Variants in CAMKMT observed in about 807,000 individuals in gnomAD.
The protein encoded by CAMKMT is calmodulin-lysine N-methyltransferase, also known as CaM KMT.
In CAMKMT, 53 loss-of-function variants were observed where a neutral mutation model predicts 48.0. That is an observed-to-expected ratio of 1.10 (90% CI 0.89 to 1.39). The LOEUF (loss-of-function observed/expected upper bound fraction) is 1.39, where lower values mean the gene tolerates loss of function less well. Among genes scored for constraint, CAMKMT ranks in the 40% most tolerant of loss-of-function variants. The probability of loss-of-function intolerance (pLI) is 0.00; values close to 1 mark genes in which losing one functional copy is unlikely to be tolerated. For synonymous variants in CAMKMT, 165 were observed against 152.3 expected, an observed-to-expected ratio of 1.08 and a Z score of -0.61; for missense variants, 428 against 402.7, an observed-to-expected ratio of 1.06 and a Z score of -0.54.
chr2:44,646,802 A>G (rs1673758659), intron 3 of CAMKMT, among the ~76,000 whole-genome samples: 2 of 152,274 alleles, frequency 1.3e-5, no homozygotes, highest in African/African-American at 4.8e-5. Context: ...GAGACACTAG[A>G]TTCTCCAGGA....
chr2:44,443,192 T>C (rs1666777937), intron 3 of CAMKMT, among the ~76,000 whole-genome samples: 1 of 152,218 alleles, frequency 6.6e-6, no homozygotes, highest in Non-Finnish European at 1.5e-5. Context: ...TTCACTTGTA[T>C]GGTAATCTAA....
intron 3 of CAMKMT, among the ~76,000 whole-genome samples, chr2:44,554,841 C>T (rs1406983827): frequency 6.6e-6 from 1 of 152,120 alleles, no homozygotes; most frequent in Non-Finnish European, 1.5e-5. Context: ...ATACCCTGCA[C>T]TCCGGCCCGA....
intron 3 of CAMKMT, among the ~76,000 whole-genome samples, chr2:44,432,105 T>A (rs1293202405): frequency 3.9e-5 from 6 of 152,194 alleles, no homozygotes; most frequent in Admixed American, 3.9e-4. Context: ...TTAAAATAAC[T>A]CTTGCCCCAC....
intron 5 of CAMKMT, among the ~76,000 whole-genome samples, chr2:44,706,877 C>T (rs1043720724): frequency 2.6e-5 from 4 of 152,020 alleles, no homozygotes; most frequent in African/African-American, 9.7e-5. Flanking sequence ...GTTTTTATGT[C>T]TCTACAAATA....
chr2:44,665,232 G>A (rs959490527), intron 3 of CAMKMT, among the ~76,000 whole-genome samples: 78 of 152,122 alleles, frequency 5.1e-4, no homozygotes, highest in African/African-American at 1.7e-3. Flanking sequence ...CATCATGCCC[G>A]GCTAATTTTT....
chr2:44,423,545 C>T (rs937998581), intron 3 of CAMKMT, among the ~76,000 whole-genome samples: 6 of 152,140 alleles, frequency 3.9e-5, no homozygotes, highest in Admixed American at 2.0e-4. Flanking sequence ...TTTCTGTTTT[C>T]CTGTGCTGCA....
chr2:44,489,991 A>G (rs778727555), intron 3 of CAMKMT, among the ~76,000 whole-genome samples: 1 of 152,010 alleles, frequency 6.6e-6, no homozygotes, highest in South Asian at 2.1e-4. Context: ...ATATTAGATT[A>G]ATACACACAC....
At chr2:44,525,500 C>G (rs1671358182) in intron 3 of CAMKMT, among the ~76,000 whole-genome samples, 1 of 152,176 alleles carries the variant, frequency 6.6e-6, no homozygotes, top group Non-Finnish European at 1.5e-5. Flanking sequence ...GTGATCCACC[C>G]TCCTCGGCCT....
chr2:44,579,812 G>A (rs1669447090), intron 3 of CAMKMT, among the ~76,000 whole-genome samples: 1 of 152,192 alleles, frequency 6.6e-6, no homozygotes, highest in Non-Finnish European at 1.5e-5. Flanking sequence ...TGTATTTATG[G>A]ACGTGACAAT....
chr2:44,417,373 T>C (rs1158323378), intron 3 of CAMKMT, among the ~76,000 whole-genome samples: 1 of 152,042 alleles, frequency 6.6e-6, no homozygotes, highest in Non-Finnish European at 1.5e-5. Context: ...CCAGCCTGGG[T>C]GAAAGAGGAA....
At chr2:44,598,249 T>C (rs1032345157) in intron 3 of CAMKMT, among the ~76,000 whole-genome samples, 16 of 152,068 alleles carry the variant, frequency 1.1e-4, no homozygotes, top group Admixed American at 6.5e-4. Flanking sequence ...AGAATATTTT[T>C]TCCTTGCAAG....
chr2:44,590,700 G>A, intron 3 of CAMKMT, among the ~76,000 whole-genome samples: 1 of 152,054 alleles, frequency 6.6e-6, no homozygotes, highest in East Asian at 1.9e-4. Context: ...CCATTTTATG[G>A]GTTGCCTGTT....
At chr2:44,534,571 A>G (rs1666662938) in intron 3 of CAMKMT, among the ~76,000 whole-genome samples, 1 of 152,188 alleles carries the variant, frequency 6.6e-6, no homozygotes, top group Admixed American at 6.5e-5. Flanking sequence ...ATCAATAGAA[A>G]TCAACAATAA....
chr2:44,594,429 AACCAAAACAGCATGGTACTGGT>A (rs1429066678), intron 3 of CAMKMT, among the ~76,000 whole-genome samples: 1 of 152,228 alleles, frequency 6.6e-6, no homozygotes. Flanking sequence ...AGGCTGCAGT[AACCAAAACAGCATGGTACTGGT>A]ACCAAAACAG....
intron 7 of CAMKMT, among the ~76,000 whole-genome samples, chr2:44,721,101 C>A (rs980373798): frequency 2.0e-5 from 3 of 152,102 alleles, no homozygotes. Flanking sequence ...CAGATGATGA[C>A]AATTGTAACT....
At chr2:44,532,817 GTT>G (rs371505482) in intron 3 of CAMKMT, among the ~76,000 whole-genome samples, 2 of 146,128 alleles carry the variant, frequency 1.4e-5, no homozygotes, top group Non-Finnish European at 1.5e-5. Flanking sequence ...TGCCATTAAA[GTT>G]TTTTTTTTTT....
intron 5 of CAMKMT, among the ~76,000 whole-genome samples, chr2:44,706,665 G>C (rs953292787): frequency 6.7e-6 from 1 of 149,370 alleles, no homozygotes; most frequent in Non-Finnish European, 1.5e-5. Context: ...TACAGGAATA[G>C]CCCGGCGAAT....
chr2:44,565,211 C>T (rs889302578), intron 3 of CAMKMT, among the ~76,000 whole-genome samples: 1 of 152,144 alleles, frequency 6.6e-6, no homozygotes. Context: ...CACCTTCAAA[C>T]ATTTTTATCC....
At chr2:44,606,163 A>C (rs1369786837) in intron 3 of CAMKMT, among the ~76,000 whole-genome samples, 2 of 152,136 alleles carry the variant, frequency 1.3e-5, no homozygotes, top group Non-Finnish European at 2.9e-5. Context: ...TACTTTCCCC[A>C]ATCTGGACTT....
Sources: allele counts gnomAD v4.1 joint callset (sites outside exome capture counted in the v4.1 genomes callset), GRCh38; gene constraint gnomAD v4.1.1; transcripts MANE v1.5; gene names NCBI Gene and HGNC (gene_info 2026-07-23, HGNC 2026-07-21).